DNAH8: variants seen among roughly 807,000 people sequenced by gnomAD.
DNAH8 encodes the protein axonemal beta dynein heavy chain 8.
A neutral mutation model predicts 562.1 loss-of-function variants in DNAH8; 382 were observed. That is an observed-to-expected ratio of 0.68 (90% confidence interval 0.63 to 0.74). The LOEUF is 0.74. Ranked by LOEUF, DNAH8 falls within the 30% of genes least tolerant of loss-of-function variation. DNAH8 has a pLI of 0.00. For missense variants in DNAH8, 5,203 were observed against 5,620.4 expected, an observed-to-expected ratio of 0.93 and a Z score of 2.37; for synonymous variants, 1,881 against 1,919.4, an observed-to-expected ratio of 0.98 and a Z score of 0.52.
At chr6:38,994,476 T>G (rs1391816620) in intron 88 of DNAH8, among the ~76,000 whole-genome samples, 2 of 149,736 alleles carry the variant, frequency 1.3e-5, no homozygotes, top group Non-Finnish European at 3.0e-5. Flanking sequence ...TCTTCCCTCA[T>G]CAGGGTATAA....
At chr6:39,025,292 C>T (rs753479506) in intron 91 of DNAH8, among the ~76,000 whole-genome samples, 21 of 152,332 alleles carry the variant, frequency 1.4e-4, no homozygotes, top group South Asian at 8.3e-4. Flanking sequence ...ACTTTGTTCA[C>T]GCCTTTTTTC....
chr6:38,921,595 G>C, intron 71 of DNAH8, 89 bp downstream of exon 71: 2 of 1,428,966 alleles, frequency 1.4e-6, no homozygotes, highest in Non-Finnish European at 1.9e-6. Context: ...AAATGGTTGT[G>C]ATGAAAAAAT....
intron 85 of DNAH8, among the ~76,000 whole-genome samples, chr6:38,975,443 G>A (rs993150002): frequency 2.0e-5 from 3 of 152,174 alleles, no homozygotes; most frequent in Non-Finnish European, 4.4e-5. Flanking sequence ...TGTGTACAGT[G>A]ATGGGCAGAA....
chr6:39,008,836 G>A lies in DNAH8; in HGVS notation c.13237G>A (p.Ala4413Thr). 6.2e-7 allele frequency: 1 copy of A among 1,607,600 alleles called. No individual in the cohort carries two copies. The highest frequency in any genetic ancestry group is 8.5e-7 in the Non-Finnish European group (1 of 1,174,694). Reference protein sequence around the residue: ...DITYQSNTASAVLETITNIQP... With the variant: ...DITYQSNTASTVLETITNIQP... ...TAGGTATCAGAGTAACACTGCTTCTGCTGTTCTTGAAACAATTACCAACAT... is the reference window on the plus strand; with the variant it reads ...TAGGTATCAGAGTAACACTGCTTCTACTGTTCTTGAAACAATTACCAACAT... The change falls in exon 89 of 93, where the codon GCT becomes ACT. Residue 4413 changes from alanine (A) to threonine (T), a missense_variant. By Grantham distance (58) the Ala-to-Thr change is moderately conservative. Transcript: ENST00000327475.
chr6:38,789,993 T>G (rs1436027151), intron 19 of DNAH8, 110 bp downstream of exon 19: 2 of 789,776 alleles, frequency 2.5e-6, no homozygotes, highest in Non-Finnish European at 4.0e-6. Flanking sequence ...CCTCCATCTT[T>G]CTAGTTCAAT....
At chr6:38,950,083 T>C (rs907846634) in intron 81 of DNAH8, among the ~76,000 whole-genome samples, 1 of 152,074 alleles carries the variant, frequency 6.6e-6, no homozygotes, top group Non-Finnish European at 1.5e-5. Flanking sequence ...AAGTTTGAAA[T>C]TGATGTTAAA....
intron 83 of DNAH8, 119 bp from the exon 84 acceptor site, chr6:38,973,542 T>TA: frequency 1.4e-6 from 1 of 702,556 alleles, no homozygotes; most frequent in Non-Finnish European, 2.2e-6. Flanking sequence ...ATATAATTTT[T>TA]AAAAATGTGT....
chr6:38,887,847 T>TC (rs1452031658), intron 57 of DNAH8, among the ~76,000 whole-genome samples: 3 of 148,990 alleles, frequency 2.0e-5, no homozygotes, highest in African/African-American at 7.4e-5. Context: ...TTTTTTTTTT[T>TC]TTTTTTGAGA....
chr6:38,870,023 C>A (rs1302564798), intron 48 of DNAH8, among the ~76,000 whole-genome samples: 2 of 152,214 alleles, frequency 1.3e-5, no homozygotes, highest in African/African-American at 4.8e-5. Context: ...AGCAAAGTCA[C>A]GTCTTTACAT....
At chr6:38,804,761 G>A (rs1464080023) in intron 22 of DNAH8, among the ~76,000 whole-genome samples, 2 of 100,442 alleles carry the variant, frequency 2.0e-5, no homozygotes, top group Admixed American at 9.7e-5. Flanking sequence ...ATAGCAAGAA[G>A]AGAGAGAGAG....
intron 1 of DNAH8, among the ~76,000 whole-genome samples, chr6:38,721,224 G>A (rs1459180901): frequency 6.6e-6 from 1 of 152,152 alleles, no homozygotes; most frequent in East Asian, 1.9e-4. Flanking sequence ...GCTGAGGTGG[G>A]AAGATCACTT....
chr6:38,999,579 G>A (rs1765348336), intron 88 of DNAH8, among the ~76,000 whole-genome samples: 1 of 151,928 alleles, frequency 6.6e-6, no homozygotes, highest in Admixed American at 6.6e-5. Context: ...CCTGTGTTTT[G>A]AGGACTATTT....
At chr6:38,766,060 A>G (rs1330349483) in intron 11 of DNAH8, among the ~76,000 whole-genome samples, 1 of 152,148 alleles carries the variant, frequency 6.6e-6, no homozygotes, top group Non-Finnish European at 1.5e-5. Flanking sequence ...TGTGGAAACA[A>G]CCTAAGTGCC....
At chr6:38,780,993 C>G (rs1022880337) in intron 15 of DNAH8, among the ~76,000 whole-genome samples, 9 of 151,838 alleles carry the variant, frequency 5.9e-5, no homozygotes, top group Non-Finnish European at 1.3e-4. Flanking sequence ...CGTTTGAATA[C>G]CTCCTTGAAA....
At chr6:39,023,319 C>T (rs187338187) in intron 91 of DNAH8, among the ~76,000 whole-genome samples, 82 of 152,170 alleles carry the variant, frequency 5.4e-4, no homozygotes, top group African/African-American at 1.2e-3. Context: ...AGTGAAACCC[C>T]GTCTCTACTA....
At chr6:38,984,493 CACA>C (rs1234675465) in intron 87 of DNAH8, 186 bp downstream of exon 87, 12 of 552,708 alleles carry the variant, frequency 2.2e-5, no homozygotes, top group East Asian at 6.1e-5. Context: ...CACACACACA[CACA>C]ACAACCAGCA....
intron 49 of DNAH8, 111 bp downstream of exon 49, chr6:38,870,673 A>G: frequency 1.9e-6 from 2 of 1,073,818 alleles, no homozygotes; most frequent in East Asian, 5.2e-5. Context: ...TTAAATGAAA[A>G]CATCATATAT....
Position 38,868,174 on chromosome 6 carries a change from G to A in DNAH8, c.6806G>A (p.Arg2269Lys). The change falls in exon 48 of 93, where the codon AGA becomes AAA. Residue 2269 changes from arginine (R) to lysine (K), a missense_variant. Physicochemically the swap from Arg to Lys is conservative, Grantham distance 26. Coordinates refer to ENST00000327475, the MANE Select transcript of DNAH8 (RefSeq NM_001206927.2). ...SELSIVMRGL[R>K]DMNLSKLVDE... is the part of the protein sequence containing the mutation. Reference sequence around the variant, plus strand: ...TTAAGCATTGTCATGAGAGGACTAAGAGATATGAACCTTTCCAAACTGGTA... The same window carrying A: ...TTAAGCATTGTCATGAGAGGACTAAAAGATATGAACCTTTCCAAACTGGTA... 1 of 1,612,338 alleles carries A rather than the reference G, an allele frequency of 6.2e-7. No individual in the cohort carries two copies. Among genetic ancestry groups the A allele is most frequent in the Admixed American group, 1.7e-5 (1 of 59,584 alleles).
chr6:38,974,516 A>T lies in DNAH8; in HGVS notation c.12821A>T (p.His4274Leu). 1.9e-6 allele frequency: 3 copies of T among 1,613,650 alleles called. 1 individual carries two copies. The South Asian group carries it at 3.3e-5, about 18-fold the overall frequency. ...KPMLYTVAFL[H>L]STVQERRKFG... ...ATGCTTTACACAGTAGCATTTTTACACTCCACTGTGCAGGTAACTGCAGAA... is the reference window on the plus strand; with the variant it reads ...ATGCTTTACACAGTAGCATTTTTACTCTCCACTGTGCAGGTAACTGCAGAA... The change falls in exon 85 of 93, where the codon CAC (histidine) becomes CTC (leucine). Residue 4274 changes from histidine (H) to leucine (L), a missense_variant. Coordinates refer to ENST00000327475, the MANE Select transcript of DNAH8 (RefSeq NM_001206927.2).
Sources: allele counts gnomAD v4.1 joint callset (sites outside exome capture counted in the v4.1 genomes callset), GRCh38; gene constraint gnomAD v4.1.1; transcripts MANE v1.5; gene names NCBI Gene and HGNC (gene_info 2026-07-23, HGNC 2026-07-21).